The following MAP2K5 variants were observed in gnomAD, a reference collection of about 807,000 sequenced individuals.
The protein encoded by MAP2K5 is dual specificity mitogen-activated protein kinase kinase 5.
Under a neutral mutation model 83.1 loss-of-function variants are expected in MAP2K5, and 49 were observed. That is an observed-to-expected ratio of 0.59 (90% CI 0.47 to 0.75). The LOEUF (loss-of-function observed/expected upper bound fraction) is 0.75, where lower values mean the gene tolerates loss of function less well. MAP2K5 is among the 30% of genes least tolerant of loss of function. The pLI, the probability that MAP2K5 is intolerant of heterozygous loss-of-function variation, is 0.00. For missense variants in MAP2K5, 457 were observed against 557.5 expected, an observed-to-expected ratio of 0.82 and a Z score of 1.82; for synonymous variants, 202 against 191.8, an observed-to-expected ratio of 1.05 and a Z score of -0.44.
chr15:67,790,277 G>A lies in MAP2K5; in HGVS notation c.1243-16369G>A, dbSNP rs1454962505. Among the ~76,000 whole-genome samples, 1 of 152,160 alleles carries A rather than the reference G, an allele frequency of 6.6e-6. No homozygotes were observed. The highest frequency in any genetic ancestry group is 1.5e-5 in the Non-Finnish European group (1 of 68,026). On this transcript the variant is annotated intron_variant, in intron 21 of 21. Coordinates refer to ENST00000178640, the MANE Select transcript of MAP2K5 (RefSeq NM_145160.3). The surrounding 1 kb of genome is among the most constrained non-coding windows in gnomAD (Gnocchi z 4.6). The stretch of plus-strand genomic sequence containing the variant: ...GAGCCCTGACCAGCAAGCGTGCAAT[G>A]CCCCTAGCCCTAATGTGCCATTAAT...
In MAP2K5 at chr15:67,646,279, G is replaced by T. The variant is rs1272921768; in HGVS notation, c.634G>T (p.Glu212Ter). 6.9e-7 allele frequency: 1 copy of T among 1,454,690 alleles called. No individual in the cohort carries two copies. The highest frequency in any genetic ancestry group is 9.6e-7 in the Non-Finnish European group (1 of 1,046,540). The allele number at this position is 1,454,690 out of a possible 1,614,324, so 90.1% of individuals were successfully genotyped here. A position where few individuals can be genotyped will look rare whatever the true frequency, so the allele number is the denominator to read the frequency against. Residue 212 changes from glutamate (E) to a stop codon, truncating the protein, a stop_gained, in exon 10 of 22, where the codon GAA (glutamate) becomes TAA (stop). Coordinates refer to ENST00000178640, the MANE Select transcript of MAP2K5 (RefSeq NM_145160.3). LOFTEE classifies it high-confidence loss of function. ...GGAACTTCAGAAGCAAATTATGTCT[G>T]AATTGGAAATTCTTTATAAGGTAAT... is the stretch of plus-strand genomic sequence containing the variant. Reference protein sequence around the residue: ...TLELQKQIMSELEILYKCDSS... With the variant: ...TLELQKQIMS
chr15:67,791,726 A>G lies in MAP2K5; in HGVS notation c.1243-14920A>G, dbSNP rs539341944. ...TATGGGGTTGTTGTGACACTGAAATAAGATAATGAGCTTGAAAGCCGGTTG... is the reference window on the plus strand; with the variant it reads ...TATGGGGTTGTTGTGACACTGAAATGAGATAATGAGCTTGAAAGCCGGTTG... On this transcript the variant is annotated intron_variant, in intron 21 of 21. Coordinates refer to ENST00000178640, the MANE Select transcript of MAP2K5 (RefSeq NM_145160.3). Among the ~76,000 whole-genome samples the G allele has an allele frequency of 2.0e-5, 3 of 152,330 alleles. No individual in the cohort carries two copies. In the South Asian group the frequency reaches 6.2e-4, roughly 32 times the overall value.
At chr15:67,733,809 A>G (rs2089279237) in intron 17 of MAP2K5, among the ~76,000 whole-genome samples, 2 of 152,242 alleles carry the variant, frequency 1.3e-5, no homozygotes, top group South Asian at 4.1e-4. Context: ...TCTTAATGAT[A>G]TAACGACTGG....
intron 13 of MAP2K5, among the ~76,000 whole-genome samples, chr15:67,691,767 C>T (rs551638036): frequency 1.3e-5 from 2 of 152,232 alleles, no homozygotes; most frequent in South Asian, 2.1e-4. Flanking sequence ...CATTACTTAG[C>T]GACTGACTGC....
intron 8 of MAP2K5, among the ~76,000 whole-genome samples, chr15:67,617,776 C>CTTACTG (rs1284799546): frequency 6.6e-6 from 1 of 152,178 alleles, no homozygotes; most frequent in African/African-American, 2.4e-5. Context: ...ACTGTAGCAT[C>CTTACTG]AACCTCCCAG....
At chr15:67,557,739 T>A (rs2084657233) in intron 2 of MAP2K5, among the ~76,000 whole-genome samples, 1 of 152,176 alleles carries the variant, frequency 6.6e-6, no homozygotes, top group African/African-American at 2.4e-5. Context: ...GAGATACTCT[T>A]GTGTTCAGCT....
chr15:67,561,328 ACTT>A lies in MAP2K5; in HGVS notation c.185-1954_185-1952del, dbSNP rs2084732021. ...AACCTTGAAAATATTAGTTTCTAGAACTTATATATAGACAGACTCCTTTCTTCT... is the reference window on the plus strand; with the variant it reads ...AACCTTGAAAATATTAGTTTCTAGAAATATATAGACAGACTCCTTTCTTCT... On this transcript the variant is annotated intron_variant, in intron 2 of 21. Coordinates refer to ENST00000178640, the MANE Select transcript of MAP2K5 (RefSeq NM_145160.3). The surrounding 1 kb of genome is among the most constrained non-coding windows in gnomAD (Gnocchi z 4.2). Among the ~76,000 whole-genome samples the A allele has an allele frequency of 6.6e-6, 1 of 152,164 alleles. No individual in the cohort carries two copies. The highest frequency in any genetic ancestry group is 1.5e-5 in the Non-Finnish European group (1 of 68,026).
intron 21 of MAP2K5, 34 bp downstream of exon 21, chr15:67,772,786 C>A (rs765949705): frequency 3.3e-6 from 5 of 1,536,380 alleles, no homozygotes; most frequent in Non-Finnish European, 4.5e-6. Context: ...TTAGAATTCT[C>A]AGTTATATAT....
chr15:67,799,649 C>T (rs1030141610), intron 21 of MAP2K5, among the ~76,000 whole-genome samples: 6 of 152,254 alleles, frequency 3.9e-5, no homozygotes, highest in Non-Finnish European at 7.3e-5. Context: ...AGGTGAACAA[C>T]TGCAGGCCTC....
In MAP2K5 at chr15:67,621,922, G is replaced by A. The variant is rs76772885; in HGVS notation, c.546-8966G>A. On this transcript the variant is annotated intron_variant, in intron 8 of 21. Coordinates refer to ENST00000178640, the MANE Select transcript of MAP2K5 (RefSeq NM_145160.3). ...AAAGTGGCCGGGTGCGGTGGCTTAC[G>A]CCTGTAATCCCAGCATTTTGGGAGG... Among the ~76,000 whole-genome samples the A allele has an allele frequency of 2.6e-4, 39 of 152,222 alleles. No homozygotes were observed. The East Asian group carries it at 6.0e-3, about 23-fold the overall frequency.
In MAP2K5 at chr15:67,786,591, C is replaced by G. The variant is rs1003012860; in HGVS notation, c.1242+13839C>G. On this transcript the variant is annotated intron_variant, in intron 21 of 21. Coordinates refer to ENST00000178640, the MANE Select transcript of MAP2K5 (RefSeq NM_145160.3). This position sits in a 1 kb window ranked among gnomAD's most constrained non-coding sequence, Gnocchi z 4.7. ...TGGTGCGGGAGCTCGGAACAGTGGC[C>G]GAGGGGCCGTAGTAGTCAGTGAGGA... 6.6e-6 allele frequency among the ~76,000 whole-genome samples: 1 copy of G among 152,076 alleles called. No homozygotes were observed. Among genetic ancestry groups the G allele is most frequent in the Non-Finnish European group, 1.5e-5 (1 of 68,008 alleles).
At chr15:67,544,233 T>C (rs534361628) in intron 1 of MAP2K5, among the ~76,000 whole-genome samples, 1 of 152,322 alleles carries the variant, frequency 6.6e-6, no homozygotes, top group East Asian at 1.9e-4. Flanking sequence ...GACATTTTAC[T>C]TAGAAAAAAA....
intron 19 of MAP2K5, among the ~76,000 whole-genome samples, chr15:67,765,228 G>A (rs773429572): frequency 1.4e-4 from 21 of 152,280 alleles, no homozygotes; most frequent in Middle Eastern, 3.4e-3. Context: ...GTGTGGTGGC[G>A]CACGCCTGTA....
chr15:67,735,189 C>A (rs62015163), intron 17 of MAP2K5, among the ~76,000 whole-genome samples: 16,390 of 152,188 alleles, frequency 0.11, 976 homozygotes, highest in Admixed American at 0.11. Flanking sequence ...ATTTTATTTG[C>A]TTAGCCTATG....
intron 17 of MAP2K5, among the ~76,000 whole-genome samples, chr15:67,732,312 C>T (rs2089240163): frequency 6.6e-6 from 1 of 152,134 alleles, no homozygotes; most frequent in African/African-American, 2.4e-5. Context: ...AAATTGTCAT[C>T]CTTCATTCAA....
Position 67,770,515 on chromosome 15 carries a change from C to T in MAP2K5, c.1196+852C>T, listed in dbSNP as rs1340069331. Among the ~76,000 whole-genome samples the T allele has an allele frequency of 6.6e-6, 1 of 152,180 alleles. No homozygotes were observed. Among genetic ancestry groups the T allele is most frequent in the East Asian group, 1.9e-4 (1 of 5,186 alleles). ...ATTGTCCTCAAAGCAGGAGACAAAA[C>T]CAACCGCAACTCCTTCTTAACTACG... On this transcript the variant is annotated intron_variant, in intron 20 of 21. Coordinates refer to ENST00000178640, the MANE Select transcript of MAP2K5 (RefSeq NM_145160.3). This position sits in a 1 kb window ranked among gnomAD's most constrained non-coding sequence, Gnocchi z 5.0.
chr15:67,644,887 G>A lies in MAP2K5; in HGVS notation c.586-1344G>A, dbSNP rs1298188826. Among the ~76,000 whole-genome samples, 1 of 152,100 alleles carries A rather than the reference G, an allele frequency of 6.6e-6. No homozygotes were observed. The highest frequency in any genetic ancestry group is 1.5e-5 in the Non-Finnish European group (1 of 68,014). ...TTTTTGGCTGGGCATGGTGGCTTAC[G>A]CTTGTAATCCCAGAACTTTGGGAGG... is the stretch of plus-strand genomic sequence containing the variant. On this transcript the variant is annotated intron_variant, in intron 9 of 21. Coordinates refer to ENST00000178640, the MANE Select transcript of MAP2K5 (RefSeq NM_145160.3). This position sits in a 1 kb window ranked among gnomAD's most constrained non-coding sequence, Gnocchi z 4.6.
chr15:67,738,859 T>A lies in MAP2K5; in HGVS notation c.1075-9372T>A, dbSNP rs1395177005. On this transcript the variant is annotated intron_variant, in intron 17 of 21. Transcript: ENST00000178640. The surrounding 1 kb of genome is among the most constrained non-coding windows in gnomAD (Gnocchi z 4.1). Reference sequence around the variant, plus strand: ...TCACCTTAGATGAGCAGCTTCCTCCTCCTGTCCACACCTTCAGCCCTCTTG... The same window carrying A: ...TCACCTTAGATGAGCAGCTTCCTCCACCTGTCCACACCTTCAGCCCTCTTG... 6.6e-6 allele frequency among the ~76,000 whole-genome samples: 1 copy of A among 152,228 alleles called. No individual in the cohort carries two copies.
intron 1 of MAP2K5, chr15:67,549,087 G>A: frequency 6.5e-7 from 1 of 1,531,306 alleles, no homozygotes; most frequent in African/African-American, 1.4e-5. Context: ...TCAGCCGGCT[G>A]CCTGGTGCCA....
Sources: gnomAD v4.1 joint callset for allele counts (sites outside exome capture counted in the v4.1 genomes callset) on GRCh38, gnomAD v4.1.1 for gene constraint, Gnocchi (gnomAD v3.1) non-coding constraint, MANE v1.5 for transcripts, NCBI Gene and HGNC (gene_info 2026-07-23, HGNC 2026-07-21) for gene names.